NDST4: variants seen among roughly 807,000 people sequenced by gnomAD.
The protein encoded by NDST4 is N-heparan sulfate sulfotransferase 4.
In NDST4, 63 loss-of-function variants were observed where a neutral mutation model predicts 100.8. The ratio of observed to expected loss-of-function variants is 0.62; its 90% confidence interval spans 0.51 to 0.77. The LOEUF (loss-of-function observed/expected upper bound fraction) is 0.77, where lower values mean the gene tolerates loss of function less well. NDST4 is among the 30% of genes least tolerant of loss of function. The probability of loss-of-function intolerance (pLI) is 0.00; values close to 1 mark genes in which losing one functional copy is unlikely to be tolerated. For synonymous variants in NDST4, 377 were observed against 361.8 expected, an observed-to-expected ratio of 1.04 and a Z score of -0.48; for missense variants, 943 against 1,018.4, an observed-to-expected ratio of 0.93 and a Z score of 1.01.
At chr4:115,031,182 G>C (rs189093600) in intron 2 of NDST4, among the ~76,000 whole-genome samples, 2 of 152,156 alleles carry the variant, frequency 1.3e-5, no homozygotes, top group African/African-American at 4.8e-5. Context: ...ATTTAACTTG[G>C]TGATGAGAGA....
intron 2 of NDST4, among the ~76,000 whole-genome samples, chr4:115,034,177 C>A (rs1728182831): frequency 6.6e-6 from 1 of 152,004 alleles, no homozygotes; most frequent in Non-Finnish European, 1.5e-5. Flanking sequence ...TTCCTGCTGG[C>A]TCAAAAAAAT....
chr4:115,001,107 T>G (rs1003192751), intron 2 of NDST4, among the ~76,000 whole-genome samples: 1 of 152,116 alleles, frequency 6.6e-6, no homozygotes, highest in African/African-American at 2.4e-5. Flanking sequence ...ACATATGAAT[T>G]TTAGTGACAC....
intron 2 of NDST4, among the ~76,000 whole-genome samples, chr4:114,983,496 CT>C (rs771185867): frequency 8.6e-5 from 13 of 152,042 alleles, no homozygotes; most frequent in Non-Finnish European, 1.5e-4. Context: ...CCTGTAGCCC[CT>C]TTTTTTTGGC....
At chr4:114,977,365 C>A in intron 2 of NDST4, 91 bp from the exon 3 acceptor site, 1 of 750,814 alleles carries the variant, frequency 1.3e-6, no homozygotes. Flanking sequence ...ATGAGTAAAA[C>A]AAAATGATAT....
At chr4:114,861,868 A>G (rs965990029) in intron 7 of NDST4, among the ~76,000 whole-genome samples, 1 of 152,114 alleles carries the variant, frequency 6.6e-6, no homozygotes, top group African/African-American at 2.4e-5. Flanking sequence ...TTCCCTGATG[A>G]TGATAGTCAA....
At chr4:115,051,450 A>G (rs1316178027) in intron 2 of NDST4, among the ~76,000 whole-genome samples, 6 of 151,928 alleles carry the variant, frequency 3.9e-5, no homozygotes, top group African/African-American at 1.2e-4. Flanking sequence ...TTAATCACCA[A>G]TCTATTCTCT....
At chr4:114,971,652 T>A (rs974409070) in intron 3 of NDST4, among the ~76,000 whole-genome samples, 1 of 152,158 alleles carries the variant, frequency 6.6e-6, no homozygotes, top group Non-Finnish European at 1.5e-5. Flanking sequence ...CAAAAGAATA[T>A]GTTTTACAGA....
chr4:115,017,978 G>T (rs1004270221), intron 2 of NDST4, among the ~76,000 whole-genome samples: 2 of 151,868 alleles, frequency 1.3e-5, no homozygotes, highest in African/African-American at 2.4e-5. Context: ...ATAAGGGTAT[G>T]ATGTTATGAT....
In NDST4 at chr4:115,048,045, G is replaced by T. The variant is rs114374213; in HGVS notation, c.978+28014C>A. ...TATTCTTTCCTGAAACTTACTAAGA[G>T]ACAAACTTAATGACTGGGTAATACA... is the stretch of plus-strand genomic sequence containing the variant. On this transcript the variant is annotated intron_variant, in intron 2 of 13. Transcript: ENST00000264363. 8.8e-3 allele frequency among the ~76,000 whole-genome samples: 1,335 copies of T among 151,760 alleles called. 10 individuals are homozygous for T. Among genetic ancestry groups the T allele is most frequent in the African/African-American group, 0.019 (789 of 41,414 alleles).
chr4:115,059,921 A>G (rs77707538), intron 2 of NDST4, among the ~76,000 whole-genome samples: 1,845 of 151,696 alleles, frequency 0.012, 44 homozygotes, highest in African/African-American at 0.042. Context: ...ATAGGAACTA[A>G]TTGGCATCTC....
At chr4:115,089,680 A>G (rs1205964381) in intron 1 of NDST4, among the ~76,000 whole-genome samples, 1 of 151,986 alleles carries the variant, frequency 6.6e-6, no homozygotes, top group Non-Finnish European at 1.5e-5. Flanking sequence ...GCATAACCCA[A>G]TACTAAATTA....
intron 4 of NDST4, among the ~76,000 whole-genome samples, chr4:114,944,967 T>G (rs1359495376): frequency 6.6e-6 from 1 of 151,782 alleles, no homozygotes; most frequent in Non-Finnish European, 1.5e-5. Flanking sequence ...CCCTGCACTT[T>G]GGGAGGCCGA....
At chr4:115,054,093 T>C (rs1003298532) in intron 2 of NDST4, among the ~76,000 whole-genome samples, 3 of 151,910 alleles carry the variant, frequency 2.0e-5, no homozygotes, top group Non-Finnish European at 4.4e-5. Flanking sequence ...ATTATTAAAG[T>C]TTTAAAATTT....
chr4:115,090,324 C>T (rs562901965), intron 1 of NDST4, among the ~76,000 whole-genome samples: 1 of 151,902 alleles, frequency 6.6e-6, no homozygotes, highest in East Asian at 1.9e-4. Context: ...ATGATATTTA[C>T]ACCTAATTTT....
chr4:114,976,487 A>G (rs1316147686), intron 3 of NDST4, among the ~76,000 whole-genome samples: 2 of 152,036 alleles, frequency 1.3e-5, no homozygotes, highest in African/African-American at 4.8e-5. Context: ...AAAAGTCAGC[A>G]TTTTGGAGGT....
chr4:114,862,926 G>T (rs1397480952), intron 7 of NDST4, among the ~76,000 whole-genome samples: 1 of 151,942 alleles, frequency 6.6e-6, no homozygotes. Context: ...CTCAATATAG[G>T]CAGATTGTCT....
Position 114,913,934 on chromosome 4 carries a change from T to G in NDST4, c.1536+21272A>C, listed in dbSNP as rs147567125. On this transcript the variant is annotated intron_variant, in intron 6 of 13. Transcript: ENST00000264363. Reference sequence around the variant, plus strand: ...TTGGCTGCTTCCAAATTTTGGCTACTGTGAACAGTAACAGATGAATGGATA... The same window carrying G: ...TTGGCTGCTTCCAAATTTTGGCTACGGTGAACAGTAACAGATGAATGGATA... Among the ~76,000 whole-genome samples the G allele has an allele frequency of 9.6e-3, 1,461 of 152,156 alleles. 20 individuals carry two copies. The highest frequency in any genetic ancestry group is 0.031 in the Middle Eastern group (9 of 294).
At chr4:114,909,597 T>C (rs1303571902) in intron 6 of NDST4, among the ~76,000 whole-genome samples, 3 of 147,556 alleles carry the variant, frequency 2.0e-5, no homozygotes, top group Non-Finnish European at 4.4e-5. Context: ...GAAGCGGAGC[T>C]TGCAGTGAGC....
intron 2 of NDST4, among the ~76,000 whole-genome samples, chr4:114,989,452 G>T (rs180967078): frequency 6.6e-6 from 1 of 152,298 alleles, no homozygotes. Context: ...TGTAGGGACT[G>T]GAGATTCAGT....
Sources: gnomAD v4.1 joint callset for allele counts (sites outside exome capture counted in the v4.1 genomes callset) on GRCh38, gnomAD v4.1.1 for gene constraint, MANE v1.5 for transcripts, NCBI Gene and HGNC (gene_info 2026-07-23, HGNC 2026-07-21) for gene names.